The following RPIA variants were observed in gnomAD, a reference collection of about 807,000 sequenced individuals.
The protein encoded by RPIA is ribose-5-phosphate isomerase.
Under a neutral mutation model 37.8 loss-of-function variants are expected in RPIA, and 29 were observed. The ratio of observed to expected loss-of-function variants is 0.77; its 90% CI spans 0.57 to 1.05. The LOEUF is 1.05. RPIA is among the 50% of genes least tolerant of loss of function. The pLI, the probability that RPIA is intolerant of heterozygous loss-of-function variation, is 0.00. For missense variants in RPIA, 385 were observed against 413.6 expected (o/e 0.93, Z 0.60); for synonymous variants, 167 against 157.0 (o/e 1.06, Z -0.48).
chr2:88,738,976 G>A lies in RPIA; in HGVS notation c.838+900G>A, dbSNP rs1222039648. Among the ~76,000 whole-genome samples, 3 of 152,166 alleles carry A rather than the reference G, an allele frequency of 2.0e-5. No individual in the cohort carries two copies. The East Asian group carries it at 5.8e-4, about 29-fold the overall frequency. On this transcript the variant is annotated intron_variant, in intron 8 of 8. Transcript: ENST00000283646. ...TGAAATGAACATTTAGAGCCTTGGG[G>A]AGCTTCTAATGCAGCTGTGCCAGGG...
Position 88,732,728 on chromosome 2 carries a change from TAAAAAAAAAAAAAAA to T in RPIA, c.463-1801_463-1787del, listed in dbSNP as rs75685116. On this transcript the variant is annotated intron_variant, in intron 4 of 8. Transcript: ENST00000283646. ...ATGTACCCTAAAACTTAGAGTATAATAAAAAAAAAAAAAAAAAAAAAAAAAAAAAAAAAAAAAGAA... is the reference window on the plus strand; with the variant it reads ...ATGTACCCTAAAACTTAGAGTATAATAAAAAAAAAAAAAAAAAAAAAAGAA... Among the ~76,000 whole-genome samples the T allele has an allele frequency of 4.0e-3, 8 of 2,004 alleles. 1 individual carries two copies. Among genetic ancestry groups the T allele is most frequent in the Admixed American group, 0.028 (5 of 178 alleles). 1.3% of individuals were successfully genotyped at this position (2,004 alleles called of 152,430 possible). A position where few individuals can be genotyped will look rare whatever the true frequency, so the allele number is the denominator to read the frequency against.
intron 3 of RPIA, among the ~76,000 whole-genome samples, chr2:88,713,099 A>AATATATATAT (rs1553420187): frequency 4.4e-4 from 20 of 45,580 alleles, no homozygotes; most frequent in African/African-American, 9.9e-4. Flanking sequence ...TGGATGTCTG[A>AATATATATAT]ATATATATAT....
rs750467964 is a variant in RPIA at position 88,691,690 on chromosome 2, G to A, written c.-9G>A. The A allele has an allele frequency of 1.9e-6, 3 of 1,569,034 alleles. No individual in the cohort carries two copies. The highest frequency in any genetic ancestry group is 4.5e-5 in the East Asian group (2 of 44,292). On this transcript the variant is annotated 5_prime_UTR_variant, in exon 1 of 9. Coordinates refer to ENST00000283646, the MANE Select transcript of RPIA (RefSeq NM_144563.3). Reference sequence around the variant, plus strand: ...GGGACTTCAGCGGAGGCCGGAGCGAGGCGTCGGGATGCAGCGCCCCGGGCC... The same window carrying A: ...GGGACTTCAGCGGAGGCCGGAGCGAAGCGTCGGGATGCAGCGCCCCGGGCC...
intron 3 of RPIA, among the ~76,000 whole-genome samples, chr2:88,713,099 A>AATATAT (rs1553420187): frequency 8.6e-4 from 39 of 45,582 alleles, no homozygotes; most frequent in East Asian, 6.4e-3. Context: ...TGGATGTCTG[A>AATATAT]ATATATATAT....
intron 8 of RPIA, among the ~76,000 whole-genome samples, chr2:88,738,487 C>T (rs752511875): frequency 1.1e-4 from 17 of 152,108 alleles, no homozygotes; most frequent in Non-Finnish European, 2.4e-4. Flanking sequence ...TGGATGCATG[C>T]CAAAGGCAAG....
intron 8 of RPIA, among the ~76,000 whole-genome samples, chr2:88,745,062 A>G (rs1673424653): frequency 6.6e-6 from 1 of 152,082 alleles, no homozygotes; most frequent in East Asian, 1.9e-4. Context: ...GGTTCAGGCA[A>G]TTCTCCTGCC....
At chr2:88,729,030 G>A (rs971230861) in intron 3 of RPIA, among the ~76,000 whole-genome samples, 3 of 152,178 alleles carry the variant, frequency 2.0e-5, no homozygotes, top group Non-Finnish European at 4.4e-5. Context: ...AGTCACTGAC[G>A]AGGAGCTCTT....
At chr2:88,748,595 G>A (rs1673465663) in intron 8 of RPIA, among the ~76,000 whole-genome samples, 1 of 152,178 alleles carries the variant, frequency 6.6e-6, no homozygotes, top group African/African-American at 2.4e-5. Context: ...GTGAGTATAT[G>A]TAAATATTCT....
intron 1 of RPIA, among the ~76,000 whole-genome samples, chr2:88,697,792 C>T (rs577851258): frequency 6.5e-4 from 99 of 152,316 alleles, no homozygotes; most frequent in Middle Eastern, 3.4e-3. Flanking sequence ...GCAAAATGAG[C>T]ACCCCTTGGT....
At chr2:88,705,047 C>T (rs1045832160) in intron 3 of RPIA, among the ~76,000 whole-genome samples, 2 of 152,094 alleles carry the variant, frequency 1.3e-5, no homozygotes, top group Non-Finnish European at 2.9e-5. Flanking sequence ...GGACTACAAA[C>T]CACTGCTTAA....
At position 88,722,806 on chromosome 2, in the gene RPIA, C is replaced by A. The variant is rs527845276; in HGVS notation, c.403-6472C>A. 4.9e-4 allele frequency among the ~76,000 whole-genome samples: 74 copies of A among 152,302 alleles called. 2 individuals are homozygous for A. The highest frequency in any genetic ancestry group is 3.4e-3 in the Middle Eastern group (1 of 294). On this transcript the variant is annotated intron_variant, in intron 3 of 8. Coordinates refer to ENST00000283646, the MANE Select transcript of RPIA (RefSeq NM_144563.3). ...CTGCAAAGAAAACAGAACACCCCAA[C>A]TGCGGTGAGTGGCACCTTTGTTCTG...
chr2:88,749,843 T>G, intron 8 of RPIA, 138 bp from the exon 9 acceptor site: 1 of 656,548 alleles, frequency 1.5e-6, no homozygotes, highest in Non-Finnish European at 2.8e-6. Context: ...TTCATTGCTC[T>G]GTGGGAGAAA....
chr2:88,692,690 T>A (rs1420920280), intron 1 of RPIA, among the ~76,000 whole-genome samples: 1 of 152,180 alleles, frequency 6.6e-6, no homozygotes, highest in African/African-American at 2.4e-5. Context: ...ATCAAGTATC[T>A]TAATTATAAT....
chr2:88,734,837 C>T (rs532903159), intron 5 of RPIA, among the ~76,000 whole-genome samples: 5 of 152,138 alleles, frequency 3.3e-5, no homozygotes, highest in African/African-American at 9.7e-5. Flanking sequence ...GATCATTCAT[C>T]GTAATGGATT....
In RPIA at chr2:88,729,561, T is replaced by A. The variant is rs1009551971; in HGVS notation, c.462+224T>A. 9.9e-5 allele frequency among the ~76,000 whole-genome samples: 15 copies of A among 152,164 alleles called. No homozygotes were observed. The South Asian group carries it at 3.1e-3, about 32-fold the overall frequency. On this transcript the variant is annotated intron_variant, in intron 4 of 8. Transcript: ENST00000283646. ...TTGTGGTTTAACCGCAAGGGCTCAG[T>A]GTGAATGTAGTGAAGGGAAGTGGGC...
chr2:88,712,721 A>G (rs1002912389), intron 3 of RPIA, among the ~76,000 whole-genome samples: 4 of 152,156 alleles, frequency 2.6e-5, no homozygotes. Flanking sequence ...CACTTCATCA[A>G]TTTCATCTGC....
intron 3 of RPIA, among the ~76,000 whole-genome samples, chr2:88,722,533 AT>A (rs1422309125): frequency 6.6e-6 from 1 of 152,256 alleles, no homozygotes; most frequent in African/African-American, 2.4e-5. Context: ...AACGGACTCC[AT>A]CTTGCTTCTA....
chr2:88,729,081 T>G (rs569214974), intron 3 of RPIA, among the ~76,000 whole-genome samples, 197 bp from the exon 4 acceptor site: 6 of 152,318 alleles, frequency 3.9e-5, no homozygotes, highest in African/African-American at 1.2e-4. Flanking sequence ...GCTGTTTGCC[T>G]TTTCCCAGCT....
intron 7 of RPIA, 137 bp downstream of exon 7, chr2:88,736,813 G>T (rs1332036972): frequency 1.8e-6 from 2 of 1,130,774 alleles, no homozygotes; most frequent in East Asian, 5.1e-5. Context: ...TGATGTATTT[G>T]TTTATTTTCG....
Sources: gnomAD v4.1 joint callset for allele counts (sites outside exome capture counted in the v4.1 genomes callset) on GRCh38, gnomAD v4.1.1 for gene constraint, MANE v1.5 for transcripts, NCBI Gene and HGNC (gene_info 2026-07-23, HGNC 2026-07-21) for gene names.